SCFD2: variants seen among roughly 807,000 people sequenced by gnomAD.
SCFD2 encodes the protein sec1 family domain-containing protein 2.
In SCFD2, 54 loss-of-function variants were observed where a neutral mutation model predicts 58.9. The ratio of observed to expected loss-of-function variants is 0.92; its 90% confidence interval spans 0.74 to 1.15. The LOEUF (loss-of-function observed/expected upper bound fraction) is 1.15. Among genes scored for constraint, SCFD2 ranks in the 50% most tolerant of loss-of-function variants. The pLI is 0.00. For missense variants in SCFD2, 805 were observed against 836.6 expected (o/e 0.96, Z 0.47); for synonymous variants, 321 against 335.9 (o/e 0.96, Z 0.49).
chr4:52,977,477 G>A (rs1007463949), intron 5 of SCFD2, among the ~76,000 whole-genome samples: 1 of 152,144 alleles, frequency 6.6e-6, no homozygotes, highest in African/African-American at 2.4e-5. Context: ...AGTATTATCA[G>A]AGACTGGCTA....
At chr4:53,251,149 C>T (rs1422101474) in intron 4 of SCFD2, among the ~76,000 whole-genome samples, 1 of 152,134 alleles carries the variant, frequency 6.6e-6, no homozygotes, top group Non-Finnish European at 1.5e-5. Context: ...TGGATAAATT[C>T]CTCGACACAT....
chr4:53,157,968 T>G (rs1726739499), intron 4 of SCFD2, among the ~76,000 whole-genome samples: 1 of 152,044 alleles, frequency 6.6e-6, no homozygotes. Context: ...TCAGTTAAAT[T>G]TGTTAGGTCT....
chr4:53,277,724 T>C (rs1488544402), intron 3 of SCFD2, among the ~76,000 whole-genome samples: 1 of 152,142 alleles, frequency 6.6e-6, no homozygotes, highest in Non-Finnish European at 1.5e-5. Flanking sequence ...GTAATAACCG[T>C]ATGTTCATTT....
intron 5 of SCFD2, among the ~76,000 whole-genome samples, chr4:52,925,885 A>G (rs1719851270): frequency 6.6e-6 from 1 of 152,040 alleles, no homozygotes; most frequent in Non-Finnish European, 1.5e-5. Flanking sequence ...TTCTTTCTCT[A>G]GAGGGCTTGA....
intron 2 of SCFD2, among the ~76,000 whole-genome samples, chr4:53,352,115 C>G (rs1256415042): frequency 6.6e-6 from 1 of 152,124 alleles, no homozygotes; most frequent in Non-Finnish European, 1.5e-5. Context: ...ATAATCTTCT[C>G]TCTTTGATTC....
At chr4:52,885,144 T>C (rs1255982506) in intron 8 of SCFD2, among the ~76,000 whole-genome samples, 1 of 152,182 alleles carries the variant, frequency 6.6e-6, no homozygotes, top group Non-Finnish European at 1.5e-5. Flanking sequence ...AGAAGAAAGC[T>C]ACAACACTAG....
rs1728808667 is a variant in SCFD2, at chr4:53,215,857, GGCT to G, written c.1311+57966_1311+57968del. 2.0e-5 allele frequency among the ~76,000 whole-genome samples: 3 copies of G among 151,986 alleles called. No individual in the cohort carries two copies. In the South Asian group the frequency reaches 6.2e-4, roughly 32 times the overall value. The stretch of plus-strand genomic sequence containing the variant: ...TTTATTGAGAGTTTTTAGCATGAAG[GGCT>G]GCTAATTTTATCAAAGGCCTTTTCT... On this transcript the variant is annotated intron_variant, in intron 4 of 8. Transcript: ENST00000401642.
chr4:53,018,168 G>C (rs1192812782), intron 5 of SCFD2, among the ~76,000 whole-genome samples: 1 of 152,110 alleles, frequency 6.6e-6, no homozygotes, highest in African/African-American at 2.4e-5. Context: ...GCTCATGATA[G>C]GGCCTGACAC....
At chr4:53,045,016 C>T (rs1369908499) in intron 5 of SCFD2, among the ~76,000 whole-genome samples, 1 of 150,300 alleles carries the variant, frequency 6.7e-6, no homozygotes, top group African/African-American at 2.4e-5. Flanking sequence ...AATGCTACTG[C>T]AATAGAAAAT....
intron 3 of SCFD2, among the ~76,000 whole-genome samples, chr4:53,292,405 A>G (rs1172744370): frequency 6.6e-6 from 1 of 152,226 alleles, no homozygotes; most frequent in African/African-American, 2.4e-5. Context: ...ATGAACAGAC[A>G]TTTCTCAAAA....
At chr4:53,326,329 G>T (rs1025185041) in intron 2 of SCFD2, among the ~76,000 whole-genome samples, 1 of 152,072 alleles carries the variant, frequency 6.6e-6, no homozygotes, top group Admixed American at 6.5e-5. Context: ...TTTTTGTAGT[G>T]ACAGTGTTTC....
intron 5 of SCFD2, among the ~76,000 whole-genome samples, chr4:52,971,095 G>A (rs766692251): frequency 6.6e-6 from 1 of 152,068 alleles, no homozygotes; most frequent in African/African-American, 2.4e-5. Context: ...CCAGAAACTC[G>A]AAAAATCAGA....
At position 52,889,400 on chromosome 4, in the gene SCFD2, C is replaced by T. The variant is rs181176744; in HGVS notation, c.1843-3534G>A. On this transcript the variant is annotated intron_variant, in intron 7 of 8. Transcript: ENST00000401642. ...CACAGTAATGGATCCAGGAGCAAAA[C>T]GCCAGAGGCCACACTCTTAAAACAC... 1.1e-4 allele frequency among the ~76,000 whole-genome samples: 17 copies of T among 152,284 alleles called. No individual in the cohort carries two copies. The East Asian group carries it at 1.2e-3, about 10-fold the overall frequency.
chr4:53,076,894 T>C (rs1723993145), intron 5 of SCFD2, among the ~76,000 whole-genome samples: 1 of 152,124 alleles, frequency 6.6e-6, no homozygotes, highest in Non-Finnish European at 1.5e-5. Context: ...TGCTTGGTAA[T>C]TGCCCTAATT....
chr4:52,897,566 T>G (rs1402762529), intron 7 of SCFD2, among the ~76,000 whole-genome samples: 2 of 152,228 alleles, frequency 1.3e-5, no homozygotes, highest in South Asian at 4.1e-4. Context: ...TGCTAGTATT[T>G]TATTGAGGAT....
intron 5 of SCFD2, among the ~76,000 whole-genome samples, chr4:53,130,214 A>C (rs1725747605): frequency 6.6e-6 from 1 of 152,224 alleles, no homozygotes; most frequent in Non-Finnish European, 1.5e-5. Context: ...AATTATAAAC[A>C]TAAAGAGAGA....
chr4:53,105,961 G>C (rs906788724), intron 5 of SCFD2, among the ~76,000 whole-genome samples: 29 of 151,482 alleles, frequency 1.9e-4, no homozygotes, highest in Non-Finnish European at 3.4e-4. Context: ...CTGGCATCTG[G>C]TGGGTGCCCC....
chr4:52,976,818 G>A (rs1721269664), intron 5 of SCFD2, among the ~76,000 whole-genome samples: 1 of 152,172 alleles, frequency 6.6e-6, no homozygotes, highest in South Asian at 2.1e-4. Context: ...TGACAGAGTT[G>A]AGATTTTGGC....
At chr4:53,200,646 T>C (rs896889273) in intron 4 of SCFD2, among the ~76,000 whole-genome samples, 3 of 151,704 alleles carry the variant, frequency 2.0e-5, no homozygotes, top group African/African-American at 7.3e-5. Flanking sequence ...TGAAAAAACT[T>C]TTCCTCTATG....
Sources: allele counts gnomAD v4.1 joint callset (sites outside exome capture counted in the v4.1 genomes callset), GRCh38; gene constraint gnomAD v4.1.1; transcripts MANE v1.5; gene names NCBI Gene and HGNC (gene_info 2026-07-23, HGNC 2026-07-21).